RNF17: variants seen among roughly 807,000 people sequenced by gnomAD.
The protein encoded by RNF17 is ring finger protein 17, also known as spermatogenesis associated 23.
RNF17 carries 31 observed loss-of-function variants against 200.5 expected under a neutral mutation model. The ratio of observed to expected loss-of-function variants is 0.15; its 90% CI spans 0.12 to 0.21. The LOEUF (loss-of-function observed/expected upper bound fraction) is 0.21. RNF17 is among the 10% of genes least tolerant of loss of function. RNF17 has a pLI of 1.00. For synonymous variants in RNF17, 606 were observed against 637.8 expected (o/e 0.95, Z 0.75); for missense variants, 1,628 against 1,905.1 (o/e 0.85, Z 2.71).
intron 2 of RNF17, among the ~76,000 whole-genome samples, chr13:24,774,086 AT>A (rs66893241): frequency 0.22 from 32,997 of 151,982 alleles, 4,006 homozygotes; most frequent in East Asian, 0.28. Flanking sequence ...TCGAGCAGGG[AT>A]TTTTCTTCAT....
intron 15 of RNF17, among the ~76,000 whole-genome samples, chr13:24,822,321 T>C (rs1222652535): frequency 6.6e-6 from 1 of 152,186 alleles, no homozygotes; most frequent in African/African-American, 2.4e-5. Context: ...GGCTACTCTT[T>C]GTTAGAAAAT....
chr13:24,759,939 G>C (rs548798788), upstream of RNF17, among the ~76,000 whole-genome samples: 39 of 152,174 alleles, frequency 2.6e-4, 1 homozygote, highest in South Asian at 8.1e-3. Flanking sequence ...TCAGGAGTTC[G>C]AGACCAGCCT....
At chr13:24,774,723 A>G (rs1881301708) in intron 2 of RNF17, 90 bp from the exon 3 acceptor site, 1 of 668,698 alleles carries the variant, frequency 1.5e-6, no homozygotes, top group Non-Finnish European at 2.5e-6. Flanking sequence ...CATTAACTTT[A>G]TGAATAGCAC....
intron 25 of RNF17, among the ~76,000 whole-genome samples, chr13:24,856,509 T>C (rs1892518853): frequency 6.6e-6 from 1 of 152,162 alleles, no homozygotes; most frequent in African/African-American, 2.4e-5. Context: ...ATAGTTTTGT[T>C]TTTTACATAA....
At chr13:24,858,868 A>G (rs1892801027) in intron 25 of RNF17, 133 bp from the exon 26 acceptor site, 1 of 464,404 alleles carries the variant, frequency 2.2e-6, no homozygotes, top group Non-Finnish European at 3.9e-6. Flanking sequence ...GTTTTAAAAC[A>G]CACACAGATT....
At chr13:24,845,175 A>G (rs571358108) in intron 22 of RNF17, 96 bp downstream of exon 22, 76 of 699,452 alleles carry the variant, frequency 1.1e-4, no homozygotes, top group African/African-American at 7.8e-4. Flanking sequence ...AAATTTTCCT[A>G]AAATCTAGTT....
intron 15 of RNF17, among the ~76,000 whole-genome samples, chr13:24,806,118 T>A (rs1885822138): frequency 6.6e-6 from 1 of 152,222 alleles, no homozygotes; most frequent in Admixed American, 6.5e-5. Flanking sequence ...CTCCCACTTA[T>A]GACTGAGAAC....
chr13:24,799,389 A>T lies in RNF17; in HGVS notation c.1400-6A>T, dbSNP rs1815997383. 1 of 1,597,900 alleles carries T rather than the reference A, an allele frequency of 6.3e-7. No individual in the cohort carries two copies. Among genetic ancestry groups the T allele is most frequent in the Non-Finnish European group, 8.5e-7 (1 of 1,171,228 alleles). ...TTTATAACGATTTGTTTCCCTCATT[A>T]TTTAGGTGCAAGAATATTTGTCAGC... is the stretch of plus-strand genomic sequence containing the variant. On this transcript the variant is annotated splice_region_variant and splice_polypyrimidine_tract_variant and intron_variant, in intron 11 of 35. Transcript: ENST00000255324.
chr13:24,843,731 T>C lies in RNF17; in HGVS notation c.2604-13T>C, dbSNP rs549242385. On this transcript the variant is annotated splice_polypyrimidine_tract_variant and intron_variant, in intron 19 of 35. Transcript: ENST00000255324. ...GCATACAGTTCTTTTCATTAACTTTTGTTGTTTTTCAGATACATCCTCAAA... is the reference window on the plus strand; with the variant it reads ...GCATACAGTTCTTTTCATTAACTTTCGTTGTTTTTCAGATACATCCTCAAA... 4 of 1,486,276 alleles carry C rather than the reference T, an allele frequency of 2.7e-6. No homozygotes were observed. In the East Asian group the frequency reaches 6.8e-5, roughly 25 times the overall value. 92.1% of individuals were successfully genotyped at this position (1,486,276 alleles called of 1,614,324 possible).
At chr13:24,874,811 T>C (rs1342234144) in intron 33 of RNF17, among the ~76,000 whole-genome samples, 1 of 152,220 alleles carries the variant, frequency 6.6e-6, no homozygotes, top group East Asian at 1.9e-4. Context: ...AATTTTGTTA[T>C]TCCAAACAGA....
chr13:24,828,162 C>T (rs1888958165), intron 16 of RNF17, among the ~76,000 whole-genome samples: 1 of 152,136 alleles, frequency 6.6e-6, no homozygotes, highest in Admixed American at 6.5e-5. Flanking sequence ...AAAATGTTAT[C>T]TATTTGGTGA....
At chr13:24,874,070 T>G in intron 32 of RNF17, 44 bp from the exon 33 acceptor site, 1 of 1,596,002 alleles carries the variant, frequency 6.3e-7, no homozygotes. Context: ...TAAAAAAATT[T>G]AATGAAAGAC....
chr13:24,854,078 G>T lies in RNF17; in HGVS notation c.3544G>T (p.Val1182Leu). 6.2e-7 allele frequency: 1 copy of T among 1,613,904 alleles called. No homozygotes were observed. Residue 1182 changes from valine to leucine, a missense_variant, in exon 25 of 36, where the codon GTA (valine) becomes TTA (leucine). Transcript: ENST00000255324. ...GCCACCAGCTATTCCTAACATGAACGTATTTGAGGCAACAGTCAGCTGTGT... is the reference window on the plus strand; with the variant it reads ...GCCACCAGCTATTCCTAACATGAACTTATTTGAGGCAACAGTCAGCTGTGT... ...YKPPAIPNMN[V>L]FEATVSCVGD... is the part of the protein sequence containing the mutation.
intron 33 of RNF17, among the ~76,000 whole-genome samples, chr13:24,874,690 G>T (rs78411775): frequency 0.044 from 6,704 of 152,190 alleles, 464 homozygotes; most frequent in African/African-American, 0.15. Flanking sequence ...GGGATTACAG[G>T]TGTCAGCCAC....
In RNF17 at chr13:24,868,679, A is replaced by T. The variant is rs149803278; in HGVS notation, c.4241A>T (p.Tyr1414Phe). The T allele has an allele frequency of 1.9e-6, 3 of 1,600,806 alleles. No homozygotes were observed. The highest frequency in any genetic ancestry group is 2.2e-5 in the South Asian group (2 of 90,814). Residue 1414 changes from tyrosine (Y) to phenylalanine (F), a missense_variant, in exon 31 of 36, where the codon TAT (tyrosine) becomes TTT (phenylalanine). Physicochemically the swap from Tyr to Phe is conservative, Grantham distance 22. This residue lies in a region of RNF17 where 609 missense variants were observed against 681.9 expected (regional missense o/e 0.89). Coordinates refer to ENST00000255324, the MANE Select transcript of RNF17 (RefSeq NM_031277.3). Reference protein sequence around the residue: ...SSSLPSPGELYAVQVKHVVSP... With the variant: ...SSSLPSPGELFAVQVKHVVSP... Reference sequence around the variant, plus strand: ...TCTCTGCCTTCCCCAGGAGAACTCTATGCTGTTCAAGTTAAGCACGTTGTC... The same window carrying T: ...TCTCTGCCTTCCCCAGGAGAACTCTTTGCTGTTCAAGTTAAGCACGTTGTC...
At chr13:24,853,570 A>G (rs1371633413) in intron 24 of RNF17, among the ~76,000 whole-genome samples, 1 of 152,166 alleles carries the variant, frequency 6.6e-6, no homozygotes, top group Non-Finnish European at 1.5e-5. Context: ...TTCTAGTAAC[A>G]TTGAATTCAT....
downstream of RNF17, chr13:24,882,205 TATAGATAGATATAGATACATCTATATAG>T (rs1437990550): frequency 1.3e-3 from 21 of 15,868 alleles, 4 homozygotes; most frequent in African/African-American, 3.8e-3. Flanking sequence ...GATACATCTA[TATAGATAGATATAGATACATCTATATAG>T]ATAGATATAT....
intron 22 of RNF17, among the ~76,000 whole-genome samples, chr13:24,848,467 G>C (rs777554122): frequency 2.2e-4 from 34 of 152,258 alleles, no homozygotes; most frequent in Non-Finnish European, 4.4e-4. Context: ...TTTAAGACCA[G>C]CCTGGCCAAC....
intron 18 of RNF17, among the ~76,000 whole-genome samples, chr13:24,841,118 A>C (rs138998385): frequency 2.0e-5 from 3 of 152,202 alleles, no homozygotes; most frequent in African/African-American, 7.2e-5. Context: ...TCCCTGTGCA[A>C]AGTACCATAA....
Sources: allele counts gnomAD v4.1 joint callset (sites outside exome capture counted in the v4.1 genomes callset), GRCh38; gene constraint gnomAD v4.1.1; regional missense constraint gnomAD v4.1.1; transcripts MANE v1.5; gene names NCBI Gene and HGNC (gene_info 2026-07-23, HGNC 2026-07-21).